PCDHGA4: variants seen among roughly 807,000 people sequenced by gnomAD.
The protein encoded by PCDHGA4 is protocadherin gamma-A4.
In PCDHGA4, 38 loss-of-function variants were observed where a neutral mutation model predicts 54.6. That is an observed-to-expected ratio of 0.70 (90% CI 0.54 to 0.91). PCDHGA4 has a LOEUF of 0.91. PCDHGA4 is among the 40% of genes least tolerant of loss of function. PCDHGA4 has a pLI of 0.00. For synonymous variants in PCDHGA4, 511 were observed against 512.9 expected (o/e 1.00, Z 0.05); for missense variants, 1,298 against 1,220.9 (o/e 1.06, Z -0.94).
chr5:141,428,176 A>G (rs751446929), intron 1 of PCDHGA4: 21 of 1,507,402 alleles, frequency 1.4e-5, no homozygotes, highest in Non-Finnish European at 1.9e-5. Context: ...TGCGTGACGG[A>G]GGACAGCCGC....
At chr5:141,389,091 G>A (rs1303132964) in intron 1 of PCDHGA4, 1 of 1,614,038 alleles carries the variant, frequency 6.2e-7, no homozygotes, top group Non-Finnish European at 8.5e-7. Flanking sequence ...GTATAAATTA[G>A]TGACAGATGC....
chr5:141,371,328 A>G, intron 1 of PCDHGA4: 1 of 1,614,010 alleles, frequency 6.2e-7, no homozygotes, highest in Non-Finnish European at 8.5e-7. Flanking sequence ...CTTTGAAGAG[A>G]GAGATAGCTA....
rs1023536266 is a variant in PCDHGA4 at position 141,355,304 on chromosome 5, T to C, written c.197T>C (p.Val66Ala). ...AGGGCCGAACAGATTCTCTACTCGG[T>C]GTTTGAGGAGCAGGAAGAAGGCTCA... ...EIRAEQILYS[V>A]FEEQEEGSVV... Residue 66 changes from valine to alanine, a missense_variant, in exon 1 of 4, where the codon GTG becomes GCG. Transcript: ENST00000571252. The C allele has an allele frequency of 1.2e-6, 2 of 1,613,812 alleles. No individual in the cohort carries two copies. Among genetic ancestry groups the C allele is most frequent in the African/African-American group, 2.7e-5 (2 of 75,012 alleles).
At chr5:141,361,713 C>G in intron 1 of PCDHGA4, 1 of 1,613,404 alleles carries the variant, frequency 6.2e-7, no homozygotes, top group Non-Finnish European at 8.5e-7. Context: ...AGCAGCTGCG[C>G]GCCTTCGAGC....
At chr5:141,400,138 A>G (rs1459833287) in intron 1 of PCDHGA4, 4 of 1,614,046 alleles carry the variant, frequency 2.5e-6, no homozygotes, top group Admixed American at 1.7e-5. Context: ...GCTGCCGGAT[A>G]TCACTGACCG....
intron 1 of PCDHGA4, chr5:141,404,478 CAG>C (rs749664270): frequency 1.9e-6 from 3 of 1,613,412 alleles, no homozygotes; most frequent in Non-Finnish European, 2.5e-6. Context: ...TCTATTAACT[CAG>C]ACACTGGTGT....
intron 1 of PCDHGA4, among the ~76,000 whole-genome samples, chr5:141,445,814 T>C (rs1554133709): frequency 6.6e-6 from 1 of 152,182 alleles, no homozygotes; most frequent in Non-Finnish European, 1.5e-5. Context: ...TAGATGAAAC[T>C]AATAAGGCAG....
rs140056243 is a variant in PCDHGA4 at position 141,487,386 on chromosome 5, G to A, written c.2515-7421G>A. 21 of 1,614,046 alleles carry A rather than the reference G, an allele frequency of 1.3e-5. No individual in the cohort carries two copies. The highest frequency in any genetic ancestry group is 4.0e-5 in the African/African-American group (3 of 74,920). On this transcript the variant is annotated intron_variant, in intron 1 of 3. Coordinates refer to ENST00000571252, the MANE Select transcript of PCDHGA4 (RefSeq NM_018917.4). The surrounding 1 kb of genome is among the most constrained non-coding windows in gnomAD (Gnocchi z 5.0). Reference sequence around the variant, plus strand: ...ACCTGTGCCTGTCTCACCAGATCTCGAAGGAGGGAGGGGCTTCCCCCTTCC... The same window carrying A: ...ACCTGTGCCTGTCTCACCAGATCTCAAAGGAGGGAGGGGCTTCCCCCTTCC...
rs2090285300 is a variant in PCDHGA4 at position 141,385,561 on chromosome 5, TC to T, written c.2514+27942del. On this transcript the variant is annotated intron_variant, in intron 1 of 3. Coordinates refer to ENST00000571252, the MANE Select transcript of PCDHGA4 (RefSeq NM_018917.4). ...ATGTGGACTATCACATTTTATAATT[TC>T]CACCTACTTTCCAATCTATGTTCCA... The T allele has an allele frequency of 1.2e-5, 16 of 1,309,040 alleles. No homozygotes were observed. In the South Asian group the frequency reaches 3.4e-4, roughly 28 times the overall value. 81.1% of individuals were successfully genotyped at this position (1,309,040 alleles called of 1,614,324 possible).
At position 141,431,897 on chromosome 5, in the gene PCDHGA4, G is replaced by C. The variant is rs1591112104; in HGVS notation, c.2515-62910G>C. 6.2e-7 allele frequency: 1 copy of C among 1,613,830 alleles called. No homozygotes were observed. The highest frequency in any genetic ancestry group is 8.5e-7 in the Non-Finnish European group (1 of 1,179,704). ...AAATGACCAAGATTCTGAGGAAAAC[G>C]GACAGGTGATCTGTTTCATCCAAGG... On this transcript the variant is annotated intron_variant, in intron 1 of 3. Coordinates refer to ENST00000571252, the MANE Select transcript of PCDHGA4 (RefSeq NM_018917.4). The surrounding 1 kb of genome is among the most constrained non-coding windows in gnomAD (Gnocchi z 4.8).
At chr5:141,388,552 G>C in intron 1 of PCDHGA4, 1 of 1,613,814 alleles carries the variant, frequency 6.2e-7, no homozygotes, top group Non-Finnish European at 8.5e-7. Flanking sequence ...CCACCCCTAA[G>C]CAGCACTGCA....
intron 1 of PCDHGA4, chr5:141,367,506 C>T (rs957460627): frequency 2.0e-4 from 30 of 151,946 alleles, no homozygotes; most frequent in African/African-American, 7.0e-4. Flanking sequence ...CACTGCACTC[C>T]AGCCTGGGAG....
intron 1 of PCDHGA4, chr5:141,361,952 A>G (rs748413942): frequency 4.4e-6 from 7 of 1,603,624 alleles, no homozygotes; most frequent in East Asian, 2.2e-5. Context: ...TGGCTGTCCT[A>G]CCACGTGCTG....
intron 1 of PCDHGA4, chr5:141,383,554 G>A (rs773842723): frequency 1.9e-6 from 3 of 1,612,524 alleles, no homozygotes; most frequent in Non-Finnish European, 2.5e-6. Context: ...TGATGGCGGC[G>A]ACCCGCCCCG....
At chr5:141,372,619 C>G (rs771812483) in intron 1 of PCDHGA4, 1 of 1,613,968 alleles carries the variant, frequency 6.2e-7, no homozygotes, top group Non-Finnish European at 8.5e-7. Context: ...GTTCTCCCCA[C>G]CTACAGCGAA....
intron 1 of PCDHGA4, chr5:141,423,835 C>T (rs1371309974): frequency 1.2e-5 from 15 of 1,278,290 alleles, no homozygotes; most frequent in African/African-American, 9.4e-5. Flanking sequence ...CATGAGATTA[C>T]GATAATCTTT....
chr5:141,403,666 T>C (rs2094439937), intron 1 of PCDHGA4: 1 of 1,613,926 alleles, frequency 6.2e-7, no homozygotes, highest in Non-Finnish European at 8.5e-7. Context: ...CAAATGATAA[T>C]GCCCCGGTTT....
intron 1 of PCDHGA4, among the ~76,000 whole-genome samples, chr5:141,494,034 A>T (rs1206242414): frequency 1.3e-5 from 2 of 152,162 alleles, no homozygotes; most frequent in Non-Finnish European, 2.9e-5. Flanking sequence ...CTGGAGACTT[A>T]GTTGGCCCTG....
chr5:141,472,795 G>A (rs939788734), intron 1 of PCDHGA4, among the ~76,000 whole-genome samples: 1 of 151,794 alleles, frequency 6.6e-6, no homozygotes, highest in Non-Finnish European at 1.5e-5. Flanking sequence ...AGATCAGCCT[G>A]ACCAACATGG....
Sources: allele counts gnomAD v4.1 joint callset (sites outside exome capture counted in the v4.1 genomes callset), GRCh38; gene constraint gnomAD v4.1.1; non-coding constraint Gnocchi (gnomAD v3.1); transcripts MANE v1.5; gene names NCBI Gene and HGNC (gene_info 2026-07-23, HGNC 2026-07-21).